The following ALAS2 variants were observed in gnomAD, a reference collection of about 807,000 sequenced individuals.
The protein encoded by ALAS2 is 5-aminolevulinate synthase, erythroid-specific, mitochondrial.
Under a neutral mutation model 33.7 loss-of-function variants are expected in ALAS2, and 3 were observed. The observed-to-expected ratio is 0.09, with a 90% CI of 0.04 to 0.23. The LOEUF (loss-of-function observed/expected upper bound fraction) is 0.23. ALAS2 is among the 10% of genes least tolerant of loss of function. The pLI is 1.00. For synonymous variants in ALAS2, 191 were observed against 177.3 expected (o/e 1.08, Z -0.61); for missense variants, 304 against 475.1 (o/e 0.64, Z 3.35).
intron 2 of ALAS2, 76 bp downstream of exon 2, chrX:55,025,742 CAA>C (rs1295142916): frequency 1.4e-5 from 14 of 1,028,384 alleles, no homozygotes; most frequent in Non-Finnish European, 1.8e-5. Flanking sequence ...AATTATTAGG[CAA>C]AGATGGCCAG....
intron 3 of ALAS2, 42 bp downstream of exon 3, chrX:55,024,676 C>G (rs770993636): frequency 1.7e-6 from 2 of 1,208,772 alleles, no homozygotes; most frequent in Non-Finnish European, 2.2e-6. Flanking sequence ...TGTGTTCAAG[C>G]ATTAGGAGTA....
intron 10 of ALAS2, 141 bp from the exon 11 acceptor site, chrX:55,009,484 T>A: frequency 1.8e-6 from 1 of 571,233 alleles, no homozygotes; most frequent in Non-Finnish European, 2.8e-6. Flanking sequence ...ACTGTTTGCT[T>A]CTGTGTGTGC....
At chrX:55,020,965 C>T (rs1354278659) in intron 5 of ALAS2, 87 bp downstream of exon 5, 2 of 889,182 alleles carry the variant, frequency 2.2e-6, no homozygotes, top group African/African-American at 4.0e-5. Context: ...CCCAAGTTTC[C>T]ACTGCCAGCT....
intron 4 of ALAS2, among the ~76,000 whole-genome samples, chrX:55,022,345 A>G (rs966699296): frequency 8.9e-5 from 10 of 112,033 alleles, no homozygotes; most frequent in African/African-American, 1.6e-4. Context: ...AATGATTGAT[A>G]CTCAGAATTT....
chrX:55,028,440 T>C (rs768677538), intron 1 of ALAS2, among the ~76,000 whole-genome samples: 101 of 110,761 alleles, frequency 9.1e-4, no homozygotes, highest in African/African-American at 3.2e-3. Context: ...GCCAACAACA[T>C]TGGGGTATGT....
chrX:55,025,243 C>A (rs1204570180), intron 2 of ALAS2, among the ~76,000 whole-genome samples: 2 of 112,011 alleles, frequency 1.8e-5, no homozygotes, highest in African/African-American at 6.5e-5. Flanking sequence ...GGCACAAACT[C>A]TTGACAGAAT....
At chrX:55,017,824 C>T (rs1935731619) in intron 6 of ALAS2, among the ~76,000 whole-genome samples, 159 bp from the exon 7 acceptor site, 1 of 112,056 alleles carries the variant, frequency 8.9e-6, no homozygotes, top group Non-Finnish European at 1.9e-5. Context: ...CTTCTTTCTC[C>T]CTTGGAAGGA....
In ALAS2 at chrX:55,014,768, G is replaced by T; in HGVS notation, c.1416C>A (p.Pro472=). Residue 472 remains proline (P), a synonymous_variant, in exon 9 of 11, where the codon CCC becomes CCA. Transcript: ENST00000650242. ...MDRGLPVIPC[P]SHIIPIRVGN... ...TCACCCGGATGGGGATGATGTGGCT[G>T]GGGCAGGGGATGACAGGAAGGCCCC... 1 of 1,187,968 alleles carries T rather than the reference G, an allele frequency of 8.4e-7. No homozygotes were observed. The highest frequency in any genetic ancestry group is 1.1e-6 in the Non-Finnish European group (1 of 880,566).
intron 1 of ALAS2, among the ~76,000 whole-genome samples, chrX:55,027,057 G>A (rs1383656331): frequency 1.8e-5 from 2 of 109,813 alleles, no homozygotes; most frequent in South Asian, 4.0e-4. Context: ...AGATTGAGTC[G>A]AGAGAAAGAG....
chrX:55,026,085 G>T, intron 1 of ALAS2, 70 bp from the exon 2 acceptor site: 1 of 1,022,707 alleles, frequency 9.8e-7, no homozygotes, highest in Non-Finnish European at 1.3e-6. Context: ...TTTGATCCTC[G>T]TCTTCAGCTT....
chrX:55,015,797 C>A, intron 7 of ALAS2, 55 bp from the exon 8 acceptor site: 1 of 1,180,334 alleles, frequency 8.5e-7, no homozygotes, highest in African/African-American at 1.8e-5. Context: ...CCAGCTCCAT[C>A]TCCAATGTGG....
Position 55,023,854 on chromosome X carries a change from G to A in ALAS2, c.318C>T (p.Ser106=). The change falls in exon 4 of 11, where the codon TCC becomes TCT. Residue 106 remains serine, a synonymous_variant. Coordinates refer to ENST00000650242, the MANE Select transcript of ALAS2 (RefSeq NM_000032.5). ...VKAFKTDLPS[S]LVSVSLRKPF... ...GCTTCCTTAGGCTGACTGAGACCAG[G>A]GAGCTAGGCAGATCTGAGACGGAAT... The A allele has an allele frequency of 8.3e-7, 1 of 1,207,781 alleles. No individual in the cohort carries two copies. The highest frequency in any genetic ancestry group is 1.1e-6 in the Non-Finnish European group (1 of 892,243).
chrX:55,018,601 A>C (rs765038186), intron 6 of ALAS2, among the ~76,000 whole-genome samples: 103 of 112,076 alleles, frequency 9.2e-4, no homozygotes, highest in Non-Finnish European at 1.7e-3. Context: ...TAAGTAAGTG[A>C]ATGAGTATAT....
chrX:55,020,141 G>C (rs963325016), intron 6 of ALAS2, among the ~76,000 whole-genome samples, 179 bp downstream of exon 6: 2 of 111,945 alleles, frequency 1.8e-5, no homozygotes, highest in African/African-American at 3.2e-5. Context: ...TCTACGTGCA[G>C]AAGGAGAGAA....
intron 1 of ALAS2, chrX:55,027,797 C>T (rs1935916514): frequency 2.5e-6 from 3 of 1,211,651 alleles, no homozygotes; most frequent in Non-Finnish European, 3.4e-6. Context: ...AGCAACCTCT[C>T]CCCCTCTCAT....
chrX:55,024,905 T>C, intron 2 of ALAS2, 65 bp from the exon 3 acceptor site: 1 of 1,170,844 alleles, frequency 8.5e-7, no homozygotes, highest in East Asian at 3.0e-5. Context: ...CAACAATAAT[T>C]GCTGAGATCT....
rs768601358 is a variant in ALAS2 at position 55,025,954 on chromosome X, C to T, written c.47G>A (p.Arg16Gln). 1.2e-4 allele frequency: 141 copies of T among 1,209,030 alleles called. No individual in the cohort carries two copies. Among genetic ancestry groups the T allele is most frequent in the Admixed American group, 8.5e-4 (39 of 45,711 alleles). Residue 16 changes from arginine (R) to glutamine (Q), a missense_variant, in exon 2 of 11, where the codon CGG (arginine) becomes CAG (glutamine). By Grantham distance (43) the Arg-to-Gln change is conservative. Coordinates refer to ENST00000650242, the MANE Select transcript of ALAS2 (RefSeq NM_000032.5). ...MLLQCCPVLARGPTSLLGKVV... is the reference protein window; with the variant it reads ...MLLQCCPVLAQGPTSLLGKVV... ...CTTGCCTAGGAGGCTTGTGGGGCCC[C>T]GGGCAAGCACTGGGCAGCACTGTAG... is the stretch of plus-strand genomic sequence containing the variant.
At chrX:55,024,901 T>C in intron 2 of ALAS2, 61 bp from the exon 3 acceptor site, 1 of 1,183,428 alleles carries the variant, frequency 8.5e-7, no homozygotes. Flanking sequence ...AGCTCAACAA[T>C]AATTGCTGAG....
intron 5 of ALAS2, 44 bp downstream of exon 5, chrX:55,021,008 C>A: frequency 8.9e-7 from 1 of 1,128,545 alleles, no homozygotes; most frequent in Non-Finnish European, 1.2e-6. Context: ...TGTGGTTTTT[C>A]ATCTCCTCTG....
Sources: gnomAD v4.1 joint callset for allele counts (sites outside exome capture counted in the v4.1 genomes callset) on GRCh38, gnomAD v4.1.1 for gene constraint, MANE v1.5 for transcripts, NCBI Gene and HGNC (gene_info 2026-07-23, HGNC 2026-07-21) for gene names.